Variants in MANBA observed in about 807,000 individuals in gnomAD.
The protein encoded by MANBA is beta-mannosidase.
MANBA carries 83 observed loss-of-function variants against 111.1 expected under a neutral mutation model. The observed-to-expected ratio is 0.75, with a 90% confidence interval of 0.63 to 0.90. MANBA has a LOEUF of 0.90. Among genes scored for constraint, MANBA ranks in the 40% least tolerant of loss-of-function variants. MANBA has a pLI of 0.00. For missense variants in MANBA, 1,036 were observed against 1,069.0 expected (o/e 0.97, Z 0.43); for synonymous variants, 370 against 378.7 (o/e 0.98, Z 0.27).
intron 13 of MANBA, among the ~76,000 whole-genome samples, chr4:102,646,194 T>C (rs112403986): frequency 1.3e-5 from 2 of 152,210 alleles, no homozygotes; most frequent in African/African-American, 4.8e-5. Flanking sequence ...ACATATTGGC[T>C]TGATTATTAA....
At chr4:102,691,454 C>T (rs1560776551) in intron 5 of MANBA, among the ~76,000 whole-genome samples, 1 of 150,390 alleles carries the variant, frequency 6.6e-6, no homozygotes, top group Non-Finnish European at 1.5e-5. Flanking sequence ...AAAAACAGGA[C>T]ATCAGAAAGC....
chr4:102,633,900 T>C (rs1426314333), intron 16 of MANBA, among the ~76,000 whole-genome samples: 2 of 103,576 alleles, frequency 1.9e-5, no homozygotes, highest in Non-Finnish European at 4.0e-5. Context: ...TTTTCAGTTG[T>C]TAGGCTCTTT....
chr4:102,719,016 T>C (rs111358269), intron 4 of MANBA, among the ~76,000 whole-genome samples: 7,360 of 152,282 alleles, frequency 0.048, 532 homozygotes, highest in African/African-American at 0.15. Context: ...AACATTGTCT[T>C]GATAAGCATC....
At chr4:102,741,052 G>A (rs574459078) in intron 1 of MANBA, among the ~76,000 whole-genome samples, 11 of 152,216 alleles carry the variant, frequency 7.2e-5, no homozygotes, top group East Asian at 1.9e-4. Context: ...CTATGCAGCC[G>A]ACAAAGGACT....
chr4:102,685,981 T>C (rs1413198658), intron 7 of MANBA, among the ~76,000 whole-genome samples: 1 of 152,162 alleles, frequency 6.6e-6, no homozygotes, highest in Non-Finnish European at 1.5e-5. Context: ...CACATTATTA[T>C]TGAGTACCTC....
intron 2 of MANBA, among the ~76,000 whole-genome samples, chr4:102,724,801 T>C (rs1161736339): frequency 6.6e-6 from 1 of 152,076 alleles, no homozygotes; most frequent in Non-Finnish European, 1.5e-5. Context: ...GTTTATCTCA[T>C]AAGAAAAGAT....
chr4:102,648,219 C>T (rs551309522), intron 13 of MANBA, among the ~76,000 whole-genome samples: 14 of 152,094 alleles, frequency 9.2e-5, no homozygotes, highest in South Asian at 2.1e-4. Context: ...TCAGAAATTC[C>T]ATTTCTACCC....
chr4:102,650,799 G>C, intron 12 of MANBA, 98 bp from the exon 13 acceptor site: 1 of 937,000 alleles, frequency 1.1e-6, no homozygotes, highest in Non-Finnish European at 1.7e-6. Context: ...CTAAACACTA[G>C]AGAAGACCTT....
At chr4:102,670,527 C>A (rs1731449327) in intron 9 of MANBA, among the ~76,000 whole-genome samples, 1 of 152,004 alleles carries the variant, frequency 6.6e-6, no homozygotes, top group Non-Finnish European at 1.5e-5. Flanking sequence ...CTCACAATTG[C>A]AAAACACATT....
chr4:102,657,753 C>G lies in MANBA; in HGVS notation c.1633G>C (p.Val545Leu). 2 of 1,613,942 alleles carry G rather than the reference C, an allele frequency of 1.2e-6. No homozygotes were observed. The highest frequency in any genetic ancestry group is 1.7e-6 in the Non-Finnish European group (2 of 1,179,858). ...GATGCAAATCGAGCTTTTGGGAAAA[C>G]TTTCCAGTTCCAGCAATCACTGATA... Reference protein sequence around the residue: ...DYISDCWNWKVFPKARFASEY... With the variant: ...DYISDCWNWKLFPKARFASEY... Residue 545 changes from valine (V) to leucine (L), a missense_variant, in exon 12 of 17, where the codon GTT becomes CTT. Coordinates refer to ENST00000647097, the MANE Select transcript of MANBA (RefSeq NM_005908.4).
At chr4:102,750,304 T>C (rs2110210774) in intron 1 of MANBA, among the ~76,000 whole-genome samples, 1 of 152,152 alleles carries the variant, frequency 6.6e-6, no homozygotes, top group African/African-American at 2.4e-5. Context: ...GCCAAATATT[T>C]CCTTAGTTTT....
At chr4:102,733,974 G>A (rs1241810460) in intron 1 of MANBA, among the ~76,000 whole-genome samples, 1 of 152,244 alleles carries the variant, frequency 6.6e-6, no homozygotes, top group Non-Finnish European at 1.5e-5. Context: ...TGAATAAACA[G>A]AGCACAGAGA....
chr4:102,734,178 G>A (rs1045841288), intron 1 of MANBA, among the ~76,000 whole-genome samples: 1 of 152,264 alleles, frequency 6.6e-6, no homozygotes, highest in Non-Finnish European at 1.5e-5. Context: ...GAATGTTGAA[G>A]AATGGGATGC....
At chr4:102,701,791 C>A (rs1733062466) in intron 5 of MANBA, among the ~76,000 whole-genome samples, 1 of 150,856 alleles carries the variant, frequency 6.6e-6, no homozygotes, top group African/African-American at 2.4e-5. Context: ...CTGCCCTTAA[C>A]ATTTTTTCCT....
intron 7 of MANBA, among the ~76,000 whole-genome samples, chr4:102,688,449 T>C (rs972230519): frequency 7.4e-5 from 11 of 148,228 alleles, no homozygotes; most frequent in African/African-American, 2.7e-4. Flanking sequence ...CACAGCATGA[T>C]TGAACAAAAG....
chr4:102,714,294 T>G, intron 5 of MANBA, 144 bp downstream of exon 5: 1 of 801,708 alleles, frequency 1.2e-6, no homozygotes, highest in Non-Finnish European at 2.0e-6. Flanking sequence ...TTGTACCTAT[T>G]TTTTACTTTT....
intron 1 of MANBA, chr4:102,751,680 G>C (rs1723806017): frequency 1.8e-6 from 1 of 542,684 alleles, no homozygotes; most frequent in South Asian, 1.4e-5. Context: ...ACCCCAGCCA[G>C]AGCAATGCAT....
At chr4:102,746,089 C>T (rs190213766) in intron 1 of MANBA, among the ~76,000 whole-genome samples, 1 of 152,298 alleles carries the variant, frequency 6.6e-6, no homozygotes, top group East Asian at 1.9e-4. Context: ...AGGCTGATGG[C>T]AGCATGTGTT....
chr4:102,757,003 T>A (rs1329723341), intron 1 of MANBA, among the ~76,000 whole-genome samples: 1 of 152,178 alleles, frequency 6.6e-6, no homozygotes, highest in Non-Finnish European at 1.5e-5. Context: ...TTTCTTTTTT[T>A]ATTCCTAATG....
Sources: allele counts gnomAD v4.1 joint callset (sites outside exome capture counted in the v4.1 genomes callset), GRCh38; gene constraint gnomAD v4.1.1; transcripts MANE v1.5; gene names NCBI Gene and HGNC (gene_info 2026-07-23, HGNC 2026-07-21).